CCSER1: variants seen among roughly 807,000 people sequenced by gnomAD.
The protein encoded by CCSER1 is coiled-coil serine rich protein 1.
In CCSER1, 41 loss-of-function variants were observed where a neutral mutation model predicts 82.0. The ratio of observed to expected loss-of-function variants is 0.50; its 90% confidence interval spans 0.39 to 0.65. The LOEUF is 0.65. CCSER1 is among the 30% of genes least tolerant of loss of function. The pLI is 0.00. For missense variants in CCSER1, 1,119 were observed against 1,064.2 expected (o/e 1.05, Z -0.72); for synonymous variants, 414 against 383.9 (o/e 1.08, Z -0.92).
chr4:91,469,441 G>A (rs925711092), intron 10 of CCSER1, among the ~76,000 whole-genome samples: 1 of 152,078 alleles, frequency 6.6e-6, no homozygotes, highest in Non-Finnish European at 1.5e-5. Context: ...TAGTTTTTAG[G>A]AAACCTATCA....
chr4:90,408,853 G>A (rs765030958), intron 4 of CCSER1, among the ~76,000 whole-genome samples: 3 of 152,116 alleles, frequency 2.0e-5, no homozygotes, highest in East Asian at 1.9e-4. Flanking sequence ...GAGGAAGTTC[G>A]AACAAATGGC....
intron 5 of CCSER1, among the ~76,000 whole-genome samples, chr4:90,505,441 A>G (rs1770551811): frequency 6.6e-6 from 1 of 152,306 alleles, no homozygotes; most frequent in African/African-American, 2.4e-5. Flanking sequence ...CCCACCAATT[A>G]GGTCTAAGTG....
At chr4:90,317,441 G>A (rs771047542) in intron 3 of CCSER1, among the ~76,000 whole-genome samples, 16 of 152,042 alleles carry the variant, frequency 1.1e-4, no homozygotes, top group African/African-American at 3.1e-4. Context: ...GTGAAACCCC[G>A]TCTCTATTTG....
intron 8 of CCSER1, among the ~76,000 whole-genome samples, chr4:90,879,580 GAA>G (rs1720948181): frequency 1.8e-5 from 2 of 109,174 alleles, no homozygotes; most frequent in African/African-American, 7.4e-5. Flanking sequence ...GGAAGAAGAA[GAA>G]GAGGAGGAGG....
At chr4:90,932,852 A>G (rs1262749195) in intron 9 of CCSER1, among the ~76,000 whole-genome samples, 1 of 138,628 alleles carries the variant, frequency 7.2e-6, no homozygotes, top group Non-Finnish European at 1.6e-5. Flanking sequence ...AAAAGAAACA[A>G]TGTTGTTCCG....
At chr4:90,279,733 A>G (rs779447896) in intron 1 of CCSER1, among the ~76,000 whole-genome samples, 6 of 152,022 alleles carry the variant, frequency 3.9e-5, no homozygotes, top group Non-Finnish European at 7.4e-5. Flanking sequence ...CCCATTTCCA[A>G]TGATTAGAAT....
intron 7 of CCSER1, among the ~76,000 whole-genome samples, chr4:90,732,446 G>A (rs1744923454): frequency 6.6e-6 from 1 of 152,142 alleles, no homozygotes; most frequent in Non-Finnish European, 1.5e-5. Context: ...TAGCAACTCA[G>A]CACCAAAGGA....
chr4:90,594,541 A>G (rs543879822), intron 5 of CCSER1, among the ~76,000 whole-genome samples: 1 of 152,106 alleles, frequency 6.6e-6, no homozygotes, highest in Non-Finnish European at 1.5e-5. Flanking sequence ...ACAGAACTCA[A>G]TAGATTGGGG....
intron 5 of CCSER1, among the ~76,000 whole-genome samples, chr4:90,546,762 G>T (rs745617631): frequency 2.4e-4 from 37 of 151,958 alleles, no homozygotes; most frequent in Non-Finnish European, 4.7e-4. Context: ...CCCTAAATAT[G>T]AGAATCATCT....
At chr4:90,837,984 A>C (rs778618367) in intron 8 of CCSER1, among the ~76,000 whole-genome samples, 2 of 152,128 alleles carry the variant, frequency 1.3e-5, no homozygotes, top group African/African-American at 2.4e-5. Context: ...TTGCATATTA[A>C]AATGCCCTGC....
intron 8 of CCSER1, among the ~76,000 whole-genome samples, chr4:90,891,114 G>A (rs1399639179): frequency 6.6e-6 from 1 of 151,726 alleles, no homozygotes; most frequent in Admixed American, 6.6e-5. Context: ...TAACAAAAAT[G>A]TAATCTATTT....
chr4:90,592,447 A>G (rs527984783), intron 5 of CCSER1, among the ~76,000 whole-genome samples: 1 of 152,266 alleles, frequency 6.6e-6, no homozygotes, highest in South Asian at 2.1e-4. Context: ...TAAAATAGCT[A>G]TATGTTCATG....
intron 9 of CCSER1, among the ~76,000 whole-genome samples, chr4:90,927,272 G>A (rs1729183336): frequency 6.6e-6 from 1 of 151,962 alleles, no homozygotes; most frequent in African/African-American, 2.4e-5. Context: ...AGCCACAAAT[G>A]CACTAAAGTT....
intron 9 of CCSER1, among the ~76,000 whole-genome samples, chr4:90,965,602 A>T (rs761539606): frequency 1.3e-5 from 2 of 152,166 alleles, no homozygotes; most frequent in Non-Finnish European, 2.9e-5. Context: ...ACTTCAGTGA[A>T]CTACAGATGA....
intron 3 of CCSER1, among the ~76,000 whole-genome samples, chr4:90,389,196 C>T (rs1179395661): frequency 5.3e-5 from 8 of 152,112 alleles, no homozygotes; most frequent in Admixed American, 1.3e-4. Context: ...GAGATAATAA[C>T]GTGATGGGAA....
chr4:90,842,627 A>G (rs1762719622), intron 8 of CCSER1, among the ~76,000 whole-genome samples: 1 of 152,208 alleles, frequency 6.6e-6, no homozygotes, highest in African/African-American at 2.4e-5. Context: ...ATTGAAGAGA[A>G]CCATCAGAAA....
At chr4:91,068,719 T>C (rs1366495722) in intron 9 of CCSER1, among the ~76,000 whole-genome samples, 1 of 152,158 alleles carries the variant, frequency 6.6e-6, no homozygotes, top group Non-Finnish European at 1.5e-5. Flanking sequence ...TGGTTACTTG[T>C]TTAATATTTT....
At chr4:90,787,093 G>A (rs62313055) in intron 7 of CCSER1, among the ~76,000 whole-genome samples, 9,046 of 152,206 alleles carry the variant, frequency 0.059, 372 homozygotes, top group Admixed American at 0.11. Context: ...CCCTGGGCAC[G>A]CCTCCTTCTA....
intron 10 of CCSER1, among the ~76,000 whole-genome samples, chr4:91,158,620 C>CTGTGTG (rs145928017): frequency 3.4e-5 from 5 of 148,662 alleles, no homozygotes; most frequent in East Asian, 2.0e-4. Flanking sequence ...CCCTCTCTTT[C>CTGTGTG]TGTGTGTGTG....
Sources: gnomAD v4.1 joint callset for allele counts (sites outside exome capture counted in the v4.1 genomes callset) on GRCh38, gnomAD v4.1.1 for gene constraint, MANE v1.5 for transcripts, NCBI Gene and HGNC (gene_info 2026-07-23, HGNC 2026-07-21) for gene names.